B3GAT2: variants seen among roughly 807,000 people sequenced by gnomAD.
B3GAT2 encodes galactosylgalactosylxylosylprotein 3-beta-glucuronosyltransferase 2.
B3GAT2 carries 26 observed loss-of-function variants against 27.8 expected under a neutral mutation model. That is an observed-to-expected ratio of 0.93 (90% CI 0.68 to 1.30). B3GAT2 has a LOEUF of 1.30. Among genes scored for constraint, B3GAT2 ranks in the 50% most tolerant of loss-of-function variants. The pLI is 0.00. For missense variants in B3GAT2, 458 were observed against 459.0 expected (o/e 1.00, Z 0.02); for synonymous variants, 218 against 195.1 (o/e 1.12, Z -0.98).
chr6:70,938,630 C>T (rs1355549571), intron 1 of B3GAT2, among the ~76,000 whole-genome samples: 3 of 151,626 alleles, frequency 2.0e-5, no homozygotes, highest in South Asian at 2.1e-4. Context: ...CTTTGACAAA[C>T]CTGAGAAAAA....
chr6:70,926,056 C>T (rs1222687981), intron 1 of B3GAT2, among the ~76,000 whole-genome samples: 1 of 152,196 alleles, frequency 6.6e-6, no homozygotes, highest in African/African-American at 2.4e-5. Context: ...CTCCAGCAAA[C>T]TCCAAAAGAC....
chr6:70,930,376 A>C (rs1253753399), intron 1 of B3GAT2, among the ~76,000 whole-genome samples: 1 of 152,242 alleles, frequency 6.6e-6, no homozygotes, highest in East Asian at 1.9e-4. Context: ...TCTGCACAGC[A>C]AAAGAAACTA....
chr6:70,927,909 A>G (rs1284176523), intron 1 of B3GAT2, among the ~76,000 whole-genome samples: 1 of 152,180 alleles, frequency 6.6e-6, no homozygotes, highest in Admixed American at 6.5e-5. Flanking sequence ...CATTGCACTT[A>G]CTCCAAAATT....
intron 1 of B3GAT2, among the ~76,000 whole-genome samples, chr6:70,951,989 A>G (rs1046070102): frequency 9.2e-5 from 14 of 152,318 alleles, no homozygotes; most frequent in African/African-American, 3.1e-4. Flanking sequence ...AAACATAAAT[A>G]GAAGTACTAT....
chr6:70,947,930 G>A (rs572652895), intron 1 of B3GAT2, among the ~76,000 whole-genome samples: 16 of 152,008 alleles, frequency 1.1e-4, no homozygotes, highest in Non-Finnish European at 1.8e-4. Flanking sequence ...TTCAATATAC[G>A]CAAATCAATA....
rs185798133 is a variant in B3GAT2 at position 70,941,725 on chromosome 6, C to G, written c.591+14114G>C. ...TATGATTTGATTGACAATCTCTGTG[C>G]AGGACTCCTTTCAGGGATTAAACTC... On this transcript the variant is annotated intron_variant, in intron 1 of 3. Coordinates refer to ENST00000230053, the MANE Select transcript of B3GAT2 (RefSeq NM_080742.3). 1.7e-3 allele frequency among the ~76,000 whole-genome samples: 261 copies of G among 152,258 alleles called. 1 individual carries two copies. Among genetic ancestry groups the G allele is most frequent in the Non-Finnish European group, 2.6e-3 (179 of 68,014 alleles).
At position 70,935,767 on chromosome 6, in the gene B3GAT2, A is replaced by G. The variant is rs536315556; in HGVS notation, c.591+20072T>C. Among the ~76,000 whole-genome samples the G allele has an allele frequency of 8.8e-3, 1,335 of 152,314 alleles. 7 individuals carry two copies. Among genetic ancestry groups the G allele is most frequent in the Admixed American group, 0.016 (250 of 15,294 alleles). On this transcript the variant is annotated intron_variant, in intron 1 of 3. Transcript: ENST00000230053. ...CCTGAAGGAAGCACTAAACATGGAA[A>G]GGCACAACCGGTACCAGCCACTGCA...
intron 1 of B3GAT2, among the ~76,000 whole-genome samples, chr6:70,928,860 G>A (rs913050797): frequency 6.6e-6 from 1 of 152,108 alleles, no homozygotes; most frequent in Admixed American, 6.6e-5. Context: ...CCATTACTGG[G>A]TATATACCCA....
At position 70,858,196 on chromosome 6, in the gene B3GAT2, G is replaced by T. The variant is rs771439200; in HGVS notation, c.*3467C>A. The T allele has an allele frequency of 6.2e-7, 1 of 1,611,960 alleles. No individual in the cohort carries two copies. Among genetic ancestry groups the T allele is most frequent in the Non-Finnish European group, 8.5e-7 (1 of 1,179,358 alleles). ...CACCCCAGAGTAAGTTTGGCCTGCC[G>T]CAAGCTCAGCAGCCCCAGTGGAGCC... On this transcript the variant is annotated 3_prime_UTR_variant, in exon 4 of 4. Coordinates refer to ENST00000230053, the MANE Select transcript of B3GAT2 (RefSeq NM_080742.3).
intron 1 of B3GAT2, among the ~76,000 whole-genome samples, chr6:70,902,513 T>C (rs1289029451): frequency 2.0e-5 from 3 of 151,786 alleles, no homozygotes; most frequent in Admixed American, 6.6e-5. Context: ...ATGAAATCAG[T>C]ATGTCAAAGA....
rs759621574 is a variant in B3GAT2 at position 70,894,268 on chromosome 6, C to G, written c.596G>C (p.Arg199Pro). Residue 199 changes from arginine to proline, a missense_variant, in exon 2 of 4, where the codon CGA becomes CCA. Arg to Pro is a moderately radical substitution (Grantham distance 103, BLOSUM62 -2). Transcript: ENST00000230053. Reference sequence around the variant, plus strand: ...CCAGACGGAGACCTTGCGGGTGGTTCGCATCTATAAAAAGGGAAAAGACAT... The same window carrying G: ...CCAGACGGAGACCTTGCGGGTGGTTGGCATCTATAAAAAGGGAAAAGACAT... ...TYSLELFQEM[R>P]TTRKVSVWPV... 1.9e-6 allele frequency: 3 copies of G among 1,569,534 alleles called. No homozygotes were observed. Among genetic ancestry groups the G allele is most frequent in the Admixed American group, 3.9e-5 (2 of 51,204 alleles).
At chr6:70,950,204 T>A (rs1765557153) in intron 1 of B3GAT2, among the ~76,000 whole-genome samples, 1 of 148,484 alleles carries the variant, frequency 6.7e-6, no homozygotes, top group South Asian at 2.1e-4. Context: ...TAAAGTATAA[T>A]AATAATAAAA....
At position 70,956,675 on chromosome 6, in the gene B3GAT2, C is replaced by G; in HGVS notation, c.-246G>C. The G allele has an allele frequency of 7.2e-7, 1 of 1,388,652 alleles. No homozygotes were observed. Among genetic ancestry groups the G allele is most frequent in the Non-Finnish European group, 9.3e-7 (1 of 1,075,382 alleles). 86.0% of individuals were successfully genotyped at this position (1,388,652 alleles called of 1,614,324 possible). A position where few individuals can be genotyped will look rare whatever the true frequency, so the allele number is the denominator to read the frequency against. On this transcript the variant is annotated 5_prime_UTR_variant, in exon 1 of 4. Transcript: ENST00000230053. ...GGCGGGCAGGGGCTGCCCCCGACTCCAGGTGAGCTGGCGGGAAGCGGGACT... is the reference window on the plus strand; with the variant it reads ...GGCGGGCAGGGGCTGCCCCCGACTCGAGGTGAGCTGGCGGGAAGCGGGACT...
chr6:70,928,690 A>AT (rs957980259), intron 1 of B3GAT2, among the ~76,000 whole-genome samples: 41 of 152,332 alleles, frequency 2.7e-4, no homozygotes, highest in African/African-American at 9.6e-4. Flanking sequence ...TGAGGCAATA[A>AT]TTAATAGTGT....
chr6:70,894,876 G>A (rs1466803951), intron 1 of B3GAT2, among the ~76,000 whole-genome samples: 2 of 152,170 alleles, frequency 1.3e-5, no homozygotes, highest in African/African-American at 4.8e-5. Flanking sequence ...CGTTGGAATC[G>A]CTTGTCCTTG....
chr6:70,895,644 A>G (rs1358345016), intron 1 of B3GAT2, among the ~76,000 whole-genome samples: 1 of 151,722 alleles, frequency 6.6e-6, no homozygotes, highest in Non-Finnish European at 1.5e-5. Flanking sequence ...TAGCTCGATT[A>G]CAGCCACCCA....
intron 1 of B3GAT2, among the ~76,000 whole-genome samples, chr6:70,910,688 C>T (rs892122776): frequency 1.3e-5 from 2 of 152,132 alleles, no homozygotes; most frequent in Admixed American, 1.3e-4. Context: ...TGGGCATATA[C>T]CCAATAAGTG....
At chr6:70,932,210 T>C (rs767421478) in intron 1 of B3GAT2, among the ~76,000 whole-genome samples, 12 of 152,094 alleles carry the variant, frequency 7.9e-5, no homozygotes, top group Non-Finnish European at 1.5e-4. Context: ...AAATGTAAAA[T>C]GGTGTAACTG....
At chr6:70,881,779 A>T (rs1476522743) in intron 2 of B3GAT2, among the ~76,000 whole-genome samples, 1 of 152,106 alleles carries the variant, frequency 6.6e-6, no homozygotes, top group East Asian at 1.9e-4. Context: ...CTGCACTCTG[A>T]GAATAGGGGT....
Sources: gnomAD v4.1 joint callset for allele counts (sites outside exome capture counted in the v4.1 genomes callset) on GRCh38, gnomAD v4.1.1 for gene constraint, MANE v1.5 for transcripts, NCBI Gene and HGNC (gene_info 2026-07-23, HGNC 2026-07-21) for gene names.